The following GRID2 variants were observed in gnomAD, a reference collection of about 807,000 sequenced individuals.
The protein encoded by GRID2 is glutamate ionotropic receptor delta type subunit 2.
GRID2 carries 33 observed loss-of-function variants against 114.8 expected under a neutral mutation model. The observed-to-expected ratio is 0.29, with a 90% CI of 0.22 to 0.38. The LOEUF (loss-of-function observed/expected upper bound fraction) is 0.38. GRID2 is among the 10% of genes least tolerant of loss of function. The probability of loss-of-function intolerance (pLI) is 1.00; values close to 1 mark genes in which losing one functional copy is unlikely to be tolerated. For synonymous variants in GRID2, 505 were observed against 449.9 expected (o/e 1.12, Z -1.55); for missense variants, 1,184 against 1,257.7 (o/e 0.94, Z 0.89).
rs1170010904 is a variant in GRID2 at position 92,471,984 on chromosome 4, A to G, written c.89-118147A>G. Among the ~76,000 whole-genome samples the G allele has an allele frequency of 3.2e-5, 3 of 94,374 alleles. 1 individual carries two copies. The highest frequency in any genetic ancestry group is 1.5e-4 in the African/African-American group (3 of 20,586). The allele number at this position is 94,374 out of a possible 152,430, so 61.9% of individuals were successfully genotyped here. ...AGTCTCGCTCTGTCGCCCAGGCTGG[A>G]GTGCAGTGGCGGGATCTCGGCTCAC... On this transcript the variant is annotated intron_variant, in intron 1 of 15. Coordinates refer to ENST00000282020, the MANE Select transcript of GRID2 (RefSeq NM_001510.4).
intron 10 of GRID2, among the ~76,000 whole-genome samples, chr4:93,436,730 A>G (rs1163321440): frequency 1.3e-5 from 2 of 152,160 alleles, no homozygotes; most frequent in Non-Finnish European, 1.5e-5. Context: ...GTAAAAGTGT[A>G]ATGGTGACTT....
At chr4:93,797,981 C>T (rs1288024455) in intron 1 of GRID2, among the ~76,000 whole-genome samples, 5 of 151,934 alleles carry the variant, frequency 3.3e-5, no homozygotes, top group African/African-American at 7.2e-5. Context: ...GTCAAAACCC[C>T]GTCTCTACTA....
intron 2 of GRID2, among the ~76,000 whole-genome samples, chr4:92,955,558 T>C (rs2149141938): frequency 6.6e-6 from 1 of 152,174 alleles, no homozygotes; most frequent in Non-Finnish European, 1.5e-5. Flanking sequence ...TTCTCCCATT[T>C]TGTAGGTTGC....
intron 2 of GRID2, among the ~76,000 whole-genome samples, chr4:92,736,711 C>T (rs980025844): frequency 2.6e-5 from 4 of 152,096 alleles, no homozygotes; most frequent in African/African-American, 9.6e-5. Flanking sequence ...TTATAATTTA[C>T]TATTAACCTA....
At chr4:93,050,436 A>G (rs976838027) in intron 2 of GRID2, among the ~76,000 whole-genome samples, 2 of 151,912 alleles carry the variant, frequency 1.3e-5, no homozygotes, top group African/African-American at 2.4e-5. Flanking sequence ...AGCTGCTGAA[A>G]GAGAGCACTG....
At chr4:93,760,427 C>G (rs1377254348) in intron 14 of GRID2, among the ~76,000 whole-genome samples, 1 of 152,100 alleles carries the variant, frequency 6.6e-6, no homozygotes, top group Non-Finnish European at 1.5e-5. Context: ...TTACCTTTTT[C>G]AAATTTGAAA....
chr4:92,681,236 G>A (rs963205073), intron 2 of GRID2, among the ~76,000 whole-genome samples: 2 of 152,172 alleles, frequency 1.3e-5, no homozygotes, highest in African/African-American at 2.4e-5. Flanking sequence ...GATTGCCAGC[G>A]ACTGTGGGTG....
intron 4 of GRID2, among the ~76,000 whole-genome samples, chr4:93,117,507 C>T (rs1733384773): frequency 6.6e-6 from 1 of 152,088 alleles, no homozygotes; most frequent in Non-Finnish European, 1.5e-5. Flanking sequence ...ATACTCAGTG[C>T]ACTTTCATGA....
chr4:92,990,970 G>A (rs1393238567), intron 2 of GRID2, among the ~76,000 whole-genome samples: 3 of 152,158 alleles, frequency 2.0e-5, no homozygotes, highest in Non-Finnish European at 4.4e-5. Flanking sequence ...ATTATGAAAA[G>A]TGGGCAATAA....
rs78253323 is a variant in GRID2 at position 93,746,412 on chromosome 4, A to T, written c.2361-22798A>T. The stretch of plus-strand genomic sequence containing the variant: ...TATTTCATGGTACCCTAGCTGGGTT[A>T]CTCTAGTAACTTGGTTAAGCACTAG... On this transcript the variant is annotated intron_variant, in intron 14 of 15. Transcript: ENST00000282020. Among the ~76,000 whole-genome samples, 377 of 152,214 alleles carry T rather than the reference A, an allele frequency of 2.5e-3. 5 individuals are homozygous for T. The East Asian group carries it at 0.035, about 14-fold the overall frequency.
intron 2 of GRID2, among the ~76,000 whole-genome samples, chr4:93,078,310 GA>G (rs1209045939): frequency 6.6e-6 from 1 of 152,016 alleles, no homozygotes; most frequent in Non-Finnish European, 1.5e-5. Flanking sequence ...TCTAGTTGAG[GA>G]AAAATGTTTT....
At chr4:92,445,566 C>G (rs926482630) in intron 1 of GRID2, among the ~76,000 whole-genome samples, 1 of 151,982 alleles carries the variant, frequency 6.6e-6, no homozygotes, top group African/African-American at 2.4e-5. Flanking sequence ...GGTGGAAATC[C>G]AACAATAAAT....
chr4:93,803,252 T>C (rs1160832262), intron 1 of GRID2, among the ~76,000 whole-genome samples: 1 of 152,346 alleles, frequency 6.6e-6, no homozygotes, highest in East Asian at 1.9e-4. Context: ...TACTGTGACA[T>C]GTCAGTAATT....
intron 8 of GRID2, among the ~76,000 whole-genome samples, chr4:93,261,591 A>G (rs1229073338): frequency 6.6e-6 from 1 of 151,860 alleles, no homozygotes; most frequent in African/African-American, 2.4e-5. Flanking sequence ...TGGCATATTT[A>G]AGAGGATAAC....
intron 1 of GRID2, among the ~76,000 whole-genome samples, chr4:93,802,958 T>A (rs1734959877): frequency 6.6e-6 from 1 of 152,192 alleles, no homozygotes; most frequent in South Asian, 2.1e-4. Context: ...CGCATTTAGG[T>A]GACTGTGTCA....
At chr4:92,713,470 C>CAT (rs1220909062) in intron 2 of GRID2, among the ~76,000 whole-genome samples, 26 of 74,860 alleles carry the variant, frequency 3.5e-4, no homozygotes, top group East Asian at 8.8e-4. Flanking sequence ...TTTACATATA[C>CAT]ATATACATAT....
intron 4 of GRID2, among the ~76,000 whole-genome samples, chr4:93,192,862 C>T (rs181506470): frequency 2.6e-4 from 40 of 152,038 alleles, no homozygotes; most frequent in African/African-American, 8.0e-4. Flanking sequence ...ACAAGCCTGC[C>T]GAACTAAGGT....
chr4:93,175,446 C>T (rs574882404), intron 4 of GRID2, among the ~76,000 whole-genome samples: 1 of 152,180 alleles, frequency 6.6e-6, no homozygotes, highest in African/African-American at 2.4e-5. Flanking sequence ...GCTGGGATTA[C>T]AGGCGTGGGC....
At chr4:92,982,417 A>ATTTTAGAACTTATGTAGGT in intron 2 of GRID2, among the ~76,000 whole-genome samples, 1 of 152,242 alleles carries the variant, frequency 6.6e-6, no homozygotes, top group Admixed American at 6.5e-5. Flanking sequence ...TAGCAATGAC[A>ATTTTAGAACTTATGTAGGT]TATTATTTGA....
Sources: allele counts gnomAD v4.1 joint callset (sites outside exome capture counted in the v4.1 genomes callset), GRCh38; gene constraint gnomAD v4.1.1; transcripts MANE v1.5; gene names NCBI Gene and HGNC (gene_info 2026-07-23, HGNC 2026-07-21).